DYNC1I1: variants seen among roughly 807,000 people sequenced by gnomAD.
DYNC1I1 encodes cytoplasmic dynein 1 intermediate chain 1.
In DYNC1I1, 43 loss-of-function variants were observed where a neutral mutation model predicts 86.6. That is an observed-to-expected ratio of 0.50 (90% confidence interval 0.39 to 0.64). The LOEUF (loss-of-function observed/expected upper bound fraction) is 0.64. DYNC1I1 is among the 30% of genes least tolerant of loss of function. The pLI is 0.00. For missense variants in DYNC1I1, 604 were observed against 788.8 expected, an observed-to-expected ratio of 0.77 and a Z score of 2.81; for synonymous variants, 262 against 283.7, an observed-to-expected ratio of 0.92 and a Z score of 0.77.
In DYNC1I1 at chr7:96,032,522, C is replaced by T. The variant is rs558075858; in HGVS notation, c.1117-145C>T. On this transcript the variant is annotated intron_variant, in intron 11 of 16. Coordinates refer to ENST00000447467, the MANE Select transcript of DYNC1I1 (RefSeq NM_001135556.2). The stretch of plus-strand genomic sequence containing the variant: ...TTTTAGAAAGAAATCAGGTTCAAAT[C>T]AAAAGCGGCAAATGACCTGACGCTT... 2.4e-4 allele frequency: 145 copies of T among 609,398 alleles called. No homozygotes were observed. In the African/African-American group the frequency reaches 2.5e-3, roughly 10 times the overall value. The allele number at this position is 609,398 out of a possible 1,614,324, so 37.7% of individuals were successfully genotyped here. A position where few individuals can be genotyped will look rare whatever the true frequency, so the allele number is the denominator to read the frequency against.
chr7:96,041,002 A>G (rs1789031002), intron 14 of DYNC1I1, among the ~76,000 whole-genome samples: 1 of 152,124 alleles, frequency 6.6e-6, no homozygotes, highest in African/African-American at 2.4e-5. Flanking sequence ...GATTACAGGC[A>G]TGAGCCACCA....
At chr7:96,030,706 C>A (rs935258004) in intron 11 of DYNC1I1, among the ~76,000 whole-genome samples, 4 of 152,102 alleles carry the variant, frequency 2.6e-5, no homozygotes, top group African/African-American at 9.7e-5. Context: ...CCTTCCCATT[C>A]TTCAGTTTTA....
At chr7:96,013,246 C>A (rs1794320403) in intron 10 of DYNC1I1, among the ~76,000 whole-genome samples, 2 of 152,060 alleles carry the variant, frequency 1.3e-5, no homozygotes, top group Non-Finnish European at 2.9e-5. Flanking sequence ...CCCTTGCTGG[C>A]TTTGAGGGTG....
intron 10 of DYNC1I1, among the ~76,000 whole-genome samples, chr7:96,018,282 C>T (rs1794449570): frequency 6.6e-6 from 1 of 152,236 alleles, no homozygotes. Context: ...CTGCATTCAA[C>T]CGATGCAAGT....
At chr7:95,910,121 G>A (rs1281505820) in intron 6 of DYNC1I1, among the ~76,000 whole-genome samples, 2 of 152,104 alleles carry the variant, frequency 1.3e-5, no homozygotes, top group Non-Finnish European at 2.9e-5. Flanking sequence ...CTCTTGCTTT[G>A]TTTGACCTAT....
intron 5 of DYNC1I1, among the ~76,000 whole-genome samples, chr7:95,841,232 T>C (rs1351211399): frequency 6.6e-6 from 1 of 152,184 alleles, no homozygotes; most frequent in African/African-American, 2.4e-5. Flanking sequence ...CTTGGTTTTA[T>C]TTCTGGAATG....
At chr7:95,936,994 A>G (rs1280817783) in intron 6 of DYNC1I1, among the ~76,000 whole-genome samples, 1 of 151,938 alleles carries the variant, frequency 6.6e-6, no homozygotes, top group Admixed American at 6.6e-5. Context: ...ACACACAAAT[A>G]CTATTCAGCA....
intron 9 of DYNC1I1, among the ~76,000 whole-genome samples, chr7:95,993,681 C>T (rs117212019): frequency 0.03 from 4,520 of 152,258 alleles, 116 homozygotes; most frequent in Non-Finnish European, 0.045. Flanking sequence ...GCTTATACTT[C>T]CTCTGCACAA....
chr7:95,787,411 G>T (rs935727269), intron 1 of DYNC1I1, among the ~76,000 whole-genome samples: 1 of 152,142 alleles, frequency 6.6e-6, no homozygotes, highest in African/African-American at 2.4e-5. Context: ...GGACTGGGAA[G>T]GGAGGCAGAA....
chr7:95,788,288 C>A (rs188996672), intron 1 of DYNC1I1, among the ~76,000 whole-genome samples: 1 of 152,156 alleles, frequency 6.6e-6, no homozygotes, highest in Admixed American at 6.5e-5. Context: ...AGGGTGATAG[C>A]AGGGGAGGTG....
At chr7:95,836,224 A>G (rs1398766586) in intron 5 of DYNC1I1, among the ~76,000 whole-genome samples, 1 of 151,656 alleles carries the variant, frequency 6.6e-6, no homozygotes, top group Non-Finnish European at 1.5e-5. Flanking sequence ...TTTCTCCTTC[A>G]CTTATGAAGC....
downstream of DYNC1I1, among the ~76,000 whole-genome samples, chr7:96,100,149 C>T (rs1791105747): frequency 1.3e-5 from 2 of 152,184 alleles, no homozygotes; most frequent in Non-Finnish European, 1.5e-5. Context: ...TTCCTGCATG[C>T]TCTTGCCAGC....
intron 14 of DYNC1I1, among the ~76,000 whole-genome samples, chr7:96,044,005 G>A (rs1789135602): frequency 6.6e-6 from 1 of 152,132 alleles, no homozygotes; most frequent in South Asian, 2.1e-4. Flanking sequence ...ACTGTGTCTG[G>A]CCAATAATTG....
chr7:95,889,410 A>C (rs1790679168), intron 6 of DYNC1I1, among the ~76,000 whole-genome samples: 1 of 152,224 alleles, frequency 6.6e-6, no homozygotes, highest in Non-Finnish European at 1.5e-5. Flanking sequence ...AGAAGACTGA[A>C]AATGGACTCC....
chr7:96,032,064 C>T (rs769830736), intron 11 of DYNC1I1, among the ~76,000 whole-genome samples: 4 of 152,046 alleles, frequency 2.6e-5, no homozygotes, highest in Non-Finnish European at 5.9e-5. Context: ...TATTATTATC[C>T]TAGATTTTGC....
At chr7:95,893,089 G>A (rs1457508787) in intron 6 of DYNC1I1, among the ~76,000 whole-genome samples, 2 of 152,092 alleles carry the variant, frequency 1.3e-5, no homozygotes, top group Admixed American at 6.5e-5. Context: ...TTTGAAAAGG[G>A]AGGGTTAAAA....
At chr7:95,829,969 C>A (rs1795285955) in intron 5 of DYNC1I1, among the ~76,000 whole-genome samples, 1 of 152,036 alleles carries the variant, frequency 6.6e-6, no homozygotes, top group East Asian at 1.9e-4. Context: ...GGACTATTTG[C>A]ATTTTAGGTT....
chr7:95,789,996 A>G (rs1052962487), intron 1 of DYNC1I1, among the ~76,000 whole-genome samples: 11 of 152,256 alleles, frequency 7.2e-5, no homozygotes, highest in African/African-American at 2.6e-4. Context: ...TGATTTTGTA[A>G]CTCACCAGTG....
At chr7:96,057,974 C>G (rs2116148673) in intron 14 of DYNC1I1, among the ~76,000 whole-genome samples, 1 of 152,288 alleles carries the variant, frequency 6.6e-6, no homozygotes, top group African/African-American at 2.4e-5. Flanking sequence ...ACACCTCAGT[C>G]CATTCCTTAT....
Sources: gnomAD v4.1 joint callset for allele counts (sites outside exome capture counted in the v4.1 genomes callset) on GRCh38, gnomAD v4.1.1 for gene constraint, MANE v1.5 for transcripts, NCBI Gene and HGNC (gene_info 2026-07-23, HGNC 2026-07-21) for gene names.